Variants in UGT2B15 observed in about 807,000 individuals in gnomAD.
The protein encoded by UGT2B15 is UDP glucuronosyltransferase family 2 member B15, also known as UDP-glucuronosyltransferase 2B15.
Under a neutral mutation model 45.9 loss-of-function variants are expected in UGT2B15, and 36 were observed. That is an observed-to-expected ratio of 0.78 (90% CI 0.60 to 1.04). The LOEUF (loss-of-function observed/expected upper bound fraction) is 1.04. UGT2B15 is among the 50% of genes least tolerant of loss of function. The pLI is 0.00. For synonymous variants in UGT2B15, 219 were observed against 216.4 expected, an observed-to-expected ratio of 1.01 and a Z score of -0.11; for missense variants, 617 against 622.4, an observed-to-expected ratio of 0.99 and a Z score of 0.09.
chr4:68,665,197 G>A (rs6854768), intron 2 of UGT2B15, among the ~76,000 whole-genome samples: 109,932 of 151,994 alleles, frequency 0.72, 39,946 homozygotes, highest in South Asian at 0.82. Context: ...TAAAATGTGT[G>A]CCATTTCATT....
chr4:68,656,772 T>C (rs917366805), intron 3 of UGT2B15, among the ~76,000 whole-genome samples: 6 of 151,972 alleles, frequency 3.9e-5, no homozygotes, highest in African/African-American at 1.5e-4. Context: ...CTGTTTTCTT[T>C]GTGGAGTTCC....
chr4:68,653,689 C>T (rs993566539), intron 5 of UGT2B15, among the ~76,000 whole-genome samples: 5 of 151,834 alleles, frequency 3.3e-5, no homozygotes, highest in Non-Finnish European at 7.4e-5. Flanking sequence ...AGAATAGATT[C>T]ATACTTTCAG....
At chr4:68,658,590 A>G (rs1313343339) in intron 3 of UGT2B15, among the ~76,000 whole-genome samples, 1 of 152,114 alleles carries the variant, frequency 6.6e-6, no homozygotes, top group Non-Finnish European at 1.5e-5. Context: ...TAAATAAGAC[A>G]TTGATATTGG....
intron 2 of UGT2B15, among the ~76,000 whole-genome samples, chr4:68,664,703 A>G (rs1349271020): frequency 6.6e-6 from 1 of 151,754 alleles, no homozygotes; most frequent in Non-Finnish European, 1.5e-5. Flanking sequence ...AGTAGCTGGG[A>G]TTACAGGCAC....
At chr4:68,656,217 G>A (rs1335153093) in intron 3 of UGT2B15, among the ~76,000 whole-genome samples, 4 of 152,052 alleles carry the variant, frequency 2.6e-5, no homozygotes, top group African/African-American at 9.7e-5. Flanking sequence ...CTCCCAGGAG[G>A]GAGGATGAAT....
At chr4:68,653,930 ACTTCAATCC>A in intron 5 of UGT2B15, 98 bp downstream of exon 5, 3 of 1,405,514 alleles carry the variant, frequency 2.1e-6, no homozygotes, top group Non-Finnish European at 2.9e-6. Context: ...TGGTTAAATC[ACTTCAATCC>A]CTTCAAAATT....
At chr4:68,662,144 A>G (rs1732986135) in intron 3 of UGT2B15, among the ~76,000 whole-genome samples, 2 of 152,062 alleles carry the variant, frequency 1.3e-5, no homozygotes, top group African/African-American at 4.8e-5. Context: ...AGAAACTAAA[A>G]CGTAAATTGA....
chr4:68,655,113 G>T lies in UGT2B15; in HGVS notation c.1075C>A (p.Pro359Thr), dbSNP rs1264037199. The change falls in exon 4 of 6, where the codon CCC becomes ACC. Residue 359 changes from proline to threonine, a missense_variant. Pro to Thr is a conservative substitution (Grantham distance 38). Coordinates refer to ENST00000338206, the MANE Select transcript of UGT2B15 (RefSeq NM_001076.4). Reference sequence around the variant, plus strand: ...ATCTTACCAAGAAGGTCATTCTGGGGTAACCACTTGTACAGTCGAGTATTG... The same window carrying T: ...ATCTTACCAAGAAGGTCATTCTGGGTTAACCACTTGTACAGTCGAGTATTG... ...GSNTRLYKWL[P>T]QNDLLGHPKT... 5 of 1,613,034 alleles carry T rather than the reference G, an allele frequency of 3.1e-6. No homozygotes were observed. Among genetic ancestry groups the T allele is most frequent in the Non-Finnish European group, 3.4e-6 (4 of 1,179,550 alleles).
At chr4:68,655,015 T>C (rs1732762062) in intron 4 of UGT2B15, 80 bp downstream of exon 4, 1 of 1,471,768 alleles carries the variant, frequency 6.8e-7, no homozygotes, top group African/African-American at 1.4e-5. Flanking sequence ...AAATGCTAAA[T>C]ATGTTTGTTT....
chr4:68,647,762 G>A (rs1359992239), intron 5 of UGT2B15, among the ~76,000 whole-genome samples: 1 of 151,804 alleles, frequency 6.6e-6, no homozygotes, highest in Non-Finnish European at 1.5e-5. Context: ...CATTACACAG[G>A]CTGAGTGCAG....
chr4:68,657,806 A>G (rs1326494618), intron 3 of UGT2B15, among the ~76,000 whole-genome samples: 1 of 152,078 alleles, frequency 6.6e-6, no homozygotes, highest in Non-Finnish European at 1.5e-5. Flanking sequence ...TTTGTCTGCA[A>G]GCTGGTCAAT....
intron 1 of UGT2B15, 146 bp from the exon 2 acceptor site, chr4:68,668,334 A>G (rs1733203898): frequency 8.5e-7 from 1 of 1,169,592 alleles, no homozygotes; most frequent in Admixed American, 3.3e-5. Context: ...ATATAAATAC[A>G]TTTATATATA....
chr4:68,650,760 G>T (rs138481333), intron 5 of UGT2B15, among the ~76,000 whole-genome samples: 1 of 151,856 alleles, frequency 6.6e-6, no homozygotes, highest in South Asian at 2.1e-4. Context: ...TTACATTCCC[G>T]TCAAAAATGT....
At chr4:68,657,981 G>A (rs1431465583) in intron 3 of UGT2B15, among the ~76,000 whole-genome samples, 3 of 151,906 alleles carry the variant, frequency 2.0e-5, no homozygotes, top group Non-Finnish European at 2.9e-5. Context: ...CAAATTTTTT[G>A]TCTCTGTACC....
intron 5 of UGT2B15, among the ~76,000 whole-genome samples, chr4:68,649,729 A>G (rs1195918810): frequency 6.6e-6 from 1 of 151,984 alleles, no homozygotes; most frequent in Non-Finnish European, 1.5e-5. Context: ...TGTACTTCAA[A>G]TGTTTTATCT....
intron 2 of UGT2B15, among the ~76,000 whole-genome samples, chr4:68,667,128 C>T (rs1239417243): frequency 6.6e-6 from 1 of 151,246 alleles, no homozygotes; most frequent in Non-Finnish European, 1.5e-5. Flanking sequence ...TTCTACTTTT[C>T]TGCCTTAATG....
intron 5 of UGT2B15, among the ~76,000 whole-genome samples, chr4:68,647,867 A>G (rs1463634094): frequency 6.6e-6 from 1 of 151,980 alleles, no homozygotes. Flanking sequence ...ACTGCACACC[A>G]CCATGCCTGG....
intron 2 of UGT2B15, among the ~76,000 whole-genome samples, chr4:68,663,479 T>C (rs1374744097): frequency 2.0e-5 from 3 of 152,124 alleles, no homozygotes; most frequent in Non-Finnish European, 4.4e-5. Flanking sequence ...ACATAGGTTA[T>C]TGGAAGGTAG....
chr4:68,670,329 CATCT>C lies in UGT2B15; in HGVS notation c.286_289del (p.Arg96GlyfsTer37). 6.2e-7 allele frequency: 1 copy of C among 1,613,734 alleles called. No homozygotes were observed. On this transcript the variant is annotated frameshift_variant, in exon 1 of 6. Coordinates refer to ENST00000338206, the MANE Select transcript of UGT2B15 (RefSeq NM_001076.4). LOFTEE classifies it high-confidence loss of function. ...TGTATTTTTTGAAACACCATATATC[CATCT>C]ATCGAGAATTTTCAGAAGAGAATCT...
Sources: allele counts gnomAD v4.1 joint callset (sites outside exome capture counted in the v4.1 genomes callset), GRCh38; gene constraint gnomAD v4.1.1; transcripts MANE v1.5; gene names NCBI Gene and HGNC (gene_info 2026-07-23, HGNC 2026-07-21).